Variants in PDGFC observed in about 807,000 individuals in gnomAD.
The protein encoded by PDGFC is platelet derived growth factor C, also known as platelet-derived growth factor C.
Under a neutral mutation model 35.5 loss-of-function variants are expected in PDGFC, and 12 were observed. The observed-to-expected ratio is 0.34, with a 90% CI of 0.22 to 0.55. The LOEUF (loss-of-function observed/expected upper bound fraction) is 0.55, where lower values mean the gene tolerates loss of function less well. Ranked by LOEUF, PDGFC falls within the 20% of genes least tolerant of loss-of-function variation. The pLI is 0.91. For synonymous variants in PDGFC, 159 were observed against 148.8 expected (o/e 1.07, Z -0.50); for missense variants, 322 against 412.4 (o/e 0.78, Z 1.90).
intron 1 of PDGFC, among the ~76,000 whole-genome samples, chr4:156,959,126 T>C (rs1732279157): frequency 2.0e-5 from 3 of 152,044 alleles, no homozygotes; most frequent in Non-Finnish European, 2.9e-5. Context: ...ATCAATTCAA[T>C]CTTCATACCT....
At chr4:156,944,799 C>G (rs1731899902) in intron 1 of PDGFC, among the ~76,000 whole-genome samples, 1 of 152,094 alleles carries the variant, frequency 6.6e-6, no homozygotes, top group Admixed American at 6.6e-5. Context: ...CCTTGCTCCC[C>G]TACAGTGTAT....
rs1181106880 is a variant in PDGFC, at chr4:156,971,536, G to A, written c.-633C>T. Reference sequence around the variant, plus strand: ...GCCGACGGCGGCCCGGGCGCAGGCGGAGAGAGGCCGCGGGGCTCCCGCTCC... The same window carrying A: ...GCCGACGGCGGCCCGGGCGCAGGCGAAGAGAGGCCGCGGGGCTCCCGCTCC... On this transcript the variant is annotated 5_prime_UTR_variant, in exon 1 of 6. Transcript: ENST00000502773. 1 of 179,404 alleles carries A rather than the reference G, an allele frequency of 5.6e-6. No homozygotes were observed. The highest frequency in any genetic ancestry group is 1.1e-5 in the Non-Finnish European group (1 of 87,186). 11.1% of individuals were successfully genotyped at this position (179,404 alleles called of 1,614,324 possible).
chr4:156,821,566 G>C (rs983904756), intron 2 of PDGFC, among the ~76,000 whole-genome samples: 7 of 151,760 alleles, frequency 4.6e-5, no homozygotes, highest in Admixed American at 4.6e-4. Context: ...TTATCTTTTC[G>C]AGACAGGGTC....
At chr4:156,773,001 G>A (rs2110818068) in intron 3 of PDGFC, 108 bp from the exon 4 acceptor site, 1 of 702,892 alleles carries the variant, frequency 1.4e-6, no homozygotes, top group South Asian at 1.7e-5. Flanking sequence ...TGTGTGAAGG[G>A]AAATTGTATT....
At chr4:156,865,777 C>T (rs1729826244) in intron 1 of PDGFC, among the ~76,000 whole-genome samples, 1 of 152,088 alleles carries the variant, frequency 6.6e-6, no homozygotes, top group Non-Finnish European at 1.5e-5. Context: ...AAACAGTACC[C>T]TTGGGGTGAG....
chr4:156,904,025 C>T (rs1730855905), intron 1 of PDGFC, among the ~76,000 whole-genome samples: 1 of 152,068 alleles, frequency 6.6e-6, no homozygotes, highest in Non-Finnish European at 1.5e-5. Context: ...TTTAAAACCA[C>T]CACAAAAAAT....
chr4:156,925,887 C>CA (rs1192652855), intron 1 of PDGFC, among the ~76,000 whole-genome samples: 1 of 150,890 alleles, frequency 6.6e-6, no homozygotes, highest in Non-Finnish European at 1.5e-5. Flanking sequence ...CCCGTCTCTA[C>CA]AAAAAAATAT....
intron 1 of PDGFC, among the ~76,000 whole-genome samples, chr4:156,891,475 A>G (rs1730508711): frequency 6.6e-6 from 1 of 152,154 alleles, no homozygotes; most frequent in Non-Finnish European, 1.5e-5. Flanking sequence ...AAAGTGTTTC[A>G]GGAGATTATA....
intron 1 of PDGFC, among the ~76,000 whole-genome samples, chr4:156,920,276 T>A (rs1057290730): frequency 7.2e-5 from 11 of 152,212 alleles, no homozygotes; most frequent in Non-Finnish European, 1.6e-4. Flanking sequence ...TTGTTTTGAA[T>A]TGTTATTACA....
At chr4:156,920,052 G>A (rs1731237442) in intron 1 of PDGFC, among the ~76,000 whole-genome samples, 2 of 152,146 alleles carry the variant, frequency 1.3e-5, no homozygotes, top group South Asian at 4.2e-4. Context: ...CTCTCCCCAT[G>A]TGACATGCCT....
intron 2 of PDGFC, among the ~76,000 whole-genome samples, chr4:156,844,134 T>C (rs1467991686): frequency 1.3e-5 from 2 of 152,184 alleles, no homozygotes; most frequent in Non-Finnish European, 2.9e-5. Flanking sequence ...AATGTAAAAT[T>C]TTCCATCACC....
chr4:156,832,034 T>C (rs141561030), intron 2 of PDGFC, among the ~76,000 whole-genome samples: 1 of 152,214 alleles, frequency 6.6e-6, no homozygotes, highest in East Asian at 1.9e-4. Flanking sequence ...TTTTCTCTTT[T>C]AAAATTTTTT....
At chr4:156,800,760 G>C (rs1731582504) in intron 3 of PDGFC, among the ~76,000 whole-genome samples, 1 of 152,166 alleles carries the variant, frequency 6.6e-6, no homozygotes, top group Non-Finnish European at 1.5e-5. Context: ...TACAAAAATT[G>C]TAACTGTGAG....
chr4:156,773,436 T>C (rs1335470089), intron 3 of PDGFC, among the ~76,000 whole-genome samples: 1 of 152,214 alleles, frequency 6.6e-6, no homozygotes, highest in African/African-American at 2.4e-5. Context: ...GCCTACAATA[T>C]ATTTTTAATA....
At chr4:156,948,162 A>C (rs1731991621) in intron 1 of PDGFC, among the ~76,000 whole-genome samples, 1 of 151,602 alleles carries the variant, frequency 6.6e-6, no homozygotes, top group Non-Finnish European at 1.5e-5. Context: ...AAAAAAAAAA[A>C]AACCTCCCAG....
intron 1 of PDGFC, among the ~76,000 whole-genome samples, chr4:156,966,784 T>C (rs1009933242): frequency 1.9e-4 from 29 of 152,184 alleles, no homozygotes; most frequent in African/African-American, 7.0e-4. Flanking sequence ...ACAAACGATA[T>C]ATTAGTCCCT....
At chr4:156,795,435 A>G (rs1033105800) in intron 3 of PDGFC, among the ~76,000 whole-genome samples, 6 of 152,184 alleles carry the variant, frequency 3.9e-5, no homozygotes, top group African/African-American at 1.4e-4. Context: ...CATTGTGGCT[A>G]TAATTTTTGG....
chr4:156,888,035 A>C (rs1730417225), intron 1 of PDGFC, among the ~76,000 whole-genome samples: 1 of 151,978 alleles, frequency 6.6e-6, no homozygotes, highest in Non-Finnish European at 1.5e-5. Flanking sequence ...GATAAATATA[A>C]TTCAAACATG....
rs1191170711 is a variant in PDGFC at position 156,761,160 on chromosome 4, A to G, written c.*1930T>C. 3 of 152,320 alleles carry G rather than the reference A, an allele frequency of 2.0e-5. No individual in the cohort carries two copies. Among genetic ancestry groups the G allele is most frequent in the Admixed American group, 6.5e-5 (1 of 15,284 alleles). The allele number at this position is 152,320 out of a possible 1,614,324, so 9.4% of individuals were successfully genotyped here. ...GCCAAGTTGAAAGGCTGAGGAAAGG[A>G]TGCTGAAGATACCAGCCCTGAATAG... On this transcript the variant is annotated 3_prime_UTR_variant, in exon 6 of 6. Coordinates refer to ENST00000502773, the MANE Select transcript of PDGFC (RefSeq NM_016205.3).
Sources: allele counts gnomAD v4.1 joint callset (sites outside exome capture counted in the v4.1 genomes callset), GRCh38; gene constraint gnomAD v4.1.1; transcripts MANE v1.5; gene names NCBI Gene and HGNC (gene_info 2026-07-23, HGNC 2026-07-21).